BICD1: variants seen among roughly 807,000 people sequenced by gnomAD.
The protein encoded by BICD1 is protein bicaudal D homolog 1.
BICD1 carries 35 observed loss-of-function variants against 92.5 expected under a neutral mutation model. The observed-to-expected ratio is 0.38, with a 90% CI of 0.29 to 0.50. The LOEUF is 0.50. Ranked by LOEUF, BICD1 falls within the 20% of genes least tolerant of loss-of-function variation. BICD1 has a pLI of 0.93. For synonymous variants in BICD1, 429 were observed against 465.1 expected, an observed-to-expected ratio of 0.92 and a Z score of 1.00; for missense variants, 950 against 1,189.8, an observed-to-expected ratio of 0.80 and a Z score of 2.97.
intron 1 of BICD1, among the ~76,000 whole-genome samples, chr12:32,109,817 A>G (rs569836019): frequency 6.6e-6 from 1 of 152,178 alleles, no homozygotes; most frequent in South Asian, 2.1e-4. Context: ...ATTGATTTCA[A>G]GTAACATTTC....
chr12:32,280,887 T>C (rs1349880993), intron 2 of BICD1, among the ~76,000 whole-genome samples: 11 of 152,236 alleles, frequency 7.2e-5, no homozygotes, highest in Admixed American at 7.2e-4. Flanking sequence ...TACCTTTGTA[T>C]TGTTCAAAAT....
chr12:32,112,038 C>T (rs1369501452), intron 1 of BICD1, among the ~76,000 whole-genome samples: 2 of 111,452 alleles, frequency 1.8e-5, no homozygotes, highest in Non-Finnish European at 1.7e-5. Context: ...TGGAGTTTCA[C>T]TCTTGTTGCC....
At chr12:32,183,459 G>T (rs1944339384) in intron 1 of BICD1, among the ~76,000 whole-genome samples, 1 of 151,626 alleles carries the variant, frequency 6.6e-6, no homozygotes, top group South Asian at 2.1e-4. Context: ...TAGAGACAGG[G>T]TTTCACCATG....
intron 4 of BICD1, among the ~76,000 whole-genome samples, chr12:32,322,763 G>A (rs1948691247): frequency 6.6e-6 from 1 of 152,206 alleles, no homozygotes; most frequent in African/African-American, 2.4e-5. Flanking sequence ...TCAACTGTCA[G>A]AGTCCAGATT....
intron 4 of BICD1, among the ~76,000 whole-genome samples, chr12:32,307,145 T>C (rs1016570877): frequency 3.3e-5 from 5 of 152,176 alleles, no homozygotes; most frequent in Admixed American, 3.3e-4. Flanking sequence ...AGCAACTGTG[T>C]TTATAGCTTC....
Position 32,277,286 on chromosome 12 carries a change from C to T in BICD1, c.427-16708C>T, listed in dbSNP as rs537264387. On this transcript the variant is annotated intron_variant, in intron 2 of 9. Coordinates refer to ENST00000652176, the MANE Select transcript of BICD1 (RefSeq NM_001714.4). ...GCACGCACCTGTAATCCCAGCTACT[C>T]GGGAGGCTGAGACAGGAAAATTGCT... Among the ~76,000 whole-genome samples the T allele has an allele frequency of 7.2e-5, 11 of 152,148 alleles. No homozygotes were observed. In the South Asian group the frequency reaches 8.3e-4, roughly 12 times the overall value.
intron 1 of BICD1, among the ~76,000 whole-genome samples, chr12:32,173,133 C>T (rs1423708319): frequency 6.6e-6 from 1 of 152,008 alleles, no homozygotes; most frequent in South Asian, 2.1e-4. Context: ...CTGCAACCTC[C>T]GCCTCCAGGG....
At chr12:32,216,116 GTTATA>G (rs371384028) in intron 1 of BICD1, 126 bp from the exon 2 acceptor site, 35 of 745,898 alleles carry the variant, frequency 4.7e-5, no homozygotes, top group African/African-American at 3.9e-4. Flanking sequence ...CTGCTAGACT[GTTATA>G]TTTCGGGGGT....
At chr12:32,114,988 T>C (rs1298708995) in intron 1 of BICD1, among the ~76,000 whole-genome samples, 1 of 152,178 alleles carries the variant, frequency 6.6e-6, no homozygotes, top group Non-Finnish European at 1.5e-5. Flanking sequence ...GCATTAGCAT[T>C]TTTAATTTAA....
chr12:32,294,331 A>G (rs1182754437), intron 3 of BICD1, among the ~76,000 whole-genome samples, 185 bp downstream of exon 3: 1 of 152,236 alleles, frequency 6.6e-6, no homozygotes, highest in Non-Finnish European at 1.5e-5. Context: ...ATACACCTGT[A>G]AGTAGTATAG....
At chr12:32,166,462 A>G (rs550422127) in intron 1 of BICD1, among the ~76,000 whole-genome samples, 3 of 152,104 alleles carry the variant, frequency 2.0e-5, no homozygotes, top group African/African-American at 4.8e-5. Context: ...GATTGTCACA[A>G]CTGGGGGGAT....
chr12:32,366,876 C>T (rs955328030), intron 8 of BICD1, among the ~76,000 whole-genome samples: 1 of 152,114 alleles, frequency 6.6e-6, no homozygotes, highest in Non-Finnish European at 1.5e-5. Flanking sequence ...ACAGACTGCT[C>T]TTTGATTTTT....
intron 2 of BICD1, among the ~76,000 whole-genome samples, chr12:32,287,783 C>T (rs996389203): frequency 6.6e-5 from 10 of 152,240 alleles, no homozygotes; most frequent in African/African-American, 2.2e-4. Flanking sequence ...GTGATCCGCC[C>T]GCCTCGGCCT....
intron 1 of BICD1, among the ~76,000 whole-genome samples, chr12:32,142,626 A>G (rs1406762583): frequency 6.6e-6 from 1 of 152,208 alleles, no homozygotes; most frequent in Non-Finnish European, 1.5e-5. Flanking sequence ...TGACTCTTGC[A>G]GCATTCTTAT....
chr12:32,107,009 A>C lies in BICD1; in HGVS notation c.-323A>C, dbSNP rs2121097016. ...TAAGCAGAATCCGGAGCCCCTCGCT[A>C]CCCGCGGCCGCCGCAGCCCGGGCCA... On this transcript the variant is annotated 5_prime_UTR_variant, in exon 1 of 10. Transcript: ENST00000652176. The C allele has an allele frequency of 1.7e-5, 5 of 293,594 alleles. No homozygotes were observed. Among genetic ancestry groups the C allele is most frequent in the Non-Finnish European group, 2.6e-5 (4 of 156,814 alleles). 18.2% of individuals were successfully genotyped at this position (293,594 alleles called of 1,614,324 possible).
At chr12:32,214,593 T>A (rs1174765587) in intron 1 of BICD1, among the ~76,000 whole-genome samples, 1 of 152,236 alleles carries the variant, frequency 6.6e-6, no homozygotes, top group East Asian at 1.9e-4. Flanking sequence ...TATATTTACT[T>A]ATTTGCTCAA....
At chr12:32,114,780 A>AAAG (rs1941829392) in intron 1 of BICD1, among the ~76,000 whole-genome samples, 1 of 152,216 alleles carries the variant, frequency 6.6e-6, no homozygotes, top group Non-Finnish European at 1.5e-5. Flanking sequence ...AGTTAGTTTG[A>AAAG]TTGCTTTCTA....
chr12:32,367,158 TTTAA>T (rs1264463262), intron 8 of BICD1, among the ~76,000 whole-genome samples: 6 of 152,230 alleles, frequency 3.9e-5, no homozygotes, highest in South Asian at 4.1e-4. Context: ...TATTTCCTTG[TTTAA>T]TTAAGATTCT....
intron 1 of BICD1, among the ~76,000 whole-genome samples, chr12:32,202,816 G>T (rs551024825): frequency 6.6e-6 from 1 of 152,242 alleles, no homozygotes; most frequent in African/African-American, 2.4e-5. Context: ...TCGCCATGTT[G>T]CCCAGGCTGG....
Sources: allele counts gnomAD v4.1 joint callset (sites outside exome capture counted in the v4.1 genomes callset), GRCh38; gene constraint gnomAD v4.1.1; transcripts MANE v1.5; gene names NCBI Gene and HGNC (gene_info 2026-07-23, HGNC 2026-07-21).